Variants in SDK1 observed in about 807,000 individuals in gnomAD.
SDK1 encodes the protein protein sidekick-1.
A neutral mutation model predicts 245.5 loss-of-function variants in SDK1; 157 were observed. That is an observed-to-expected ratio of 0.64 (90% CI 0.56 to 0.73). The LOEUF is 0.73. Among genes scored for constraint, SDK1 ranks in the 30% least tolerant of loss-of-function variants. SDK1 has a pLI of 0.00. For synonymous variants in SDK1, 1,647 were observed against 1,278.5 expected (o/e 1.29, Z -6.15); for missense variants, 3,583 against 3,002.3 (o/e 1.19, Z -4.52).
At chr7:4,054,125 G>C (rs1779056534) in intron 19 of SDK1, among the ~76,000 whole-genome samples, 1 of 152,056 alleles carries the variant, frequency 6.6e-6, no homozygotes, top group Non-Finnish European at 1.5e-5. Flanking sequence ...ATTTTTAATA[G>C]AGATGGGGTT....
At chr7:3,672,210 T>G (rs1783722705) in intron 4 of SDK1, among the ~76,000 whole-genome samples, 1 of 152,076 alleles carries the variant, frequency 6.6e-6, no homozygotes, top group Non-Finnish European at 1.5e-5. Flanking sequence ...CAGCCGATGC[T>G]GCTGGTGAGA....
At chr7:3,420,496 C>T (rs1779506431) in intron 1 of SDK1, among the ~76,000 whole-genome samples, 1 of 152,128 alleles carries the variant, frequency 6.6e-6, no homozygotes, top group South Asian at 2.1e-4. Context: ...ATGAACTCCT[C>T]CTGCCCATTT....
intron 1 of SDK1, among the ~76,000 whole-genome samples, chr7:3,481,989 GA>G (rs1475465561): frequency 1.3e-5 from 2 of 151,258 alleles, no homozygotes; most frequent in South Asian, 2.1e-4. Flanking sequence ...AGCAAAGCTT[GA>G]AAAAAATATA....
intron 36 of SDK1, among the ~76,000 whole-genome samples, chr7:4,206,848 C>G (rs1342316309): frequency 1.3e-5 from 2 of 152,062 alleles, no homozygotes; most frequent in African/African-American, 4.8e-5. Context: ...GACTATTGGA[C>G]CGATTAAATG....
chr7:3,709,749 C>T (rs1384115900), intron 4 of SDK1, among the ~76,000 whole-genome samples: 3 of 152,150 alleles, frequency 2.0e-5, no homozygotes, highest in Non-Finnish European at 2.9e-5. Context: ...TGAAATTGGG[C>T]TTTTGAAACA....
At chr7:3,311,950 T>C (rs1779560592) in intron 1 of SDK1, among the ~76,000 whole-genome samples, 1 of 152,160 alleles carries the variant, frequency 6.6e-6, no homozygotes, top group African/African-American at 2.4e-5. Context: ...AGGCATGGCC[T>C]TGGGTCTGCA....
intron 1 of SDK1, among the ~76,000 whole-genome samples, chr7:3,514,635 G>A (rs1365097463): frequency 6.6e-6 from 1 of 152,170 alleles, no homozygotes. Flanking sequence ...GAGGAGAGTA[G>A]TAGATGAAAA....
At chr7:3,428,864 C>T (rs745310741) in intron 1 of SDK1, among the ~76,000 whole-genome samples, 1 of 152,142 alleles carries the variant, frequency 6.6e-6, no homozygotes, top group Non-Finnish European at 1.5e-5. Context: ...ATCCCGTAGT[C>T]AAGTGGAGAA....
rs544867444 is a variant in SDK1 at position 4,084,388 on chromosome 7, C to T, written c.3324+4804C>T. 5.9e-5 allele frequency among the ~76,000 whole-genome samples: 9 copies of T among 152,296 alleles called. No homozygotes were observed. In the South Asian group the frequency reaches 1.9e-3, roughly 32 times the overall value. On this transcript the variant is annotated intron_variant, in intron 22 of 44. Coordinates refer to ENST00000404826, the MANE Select transcript of SDK1 (RefSeq NM_152744.4). ...AACCTAGAATTGGCCTGTCTTTGGC[C>T]TAGGGAGGCTTTCGTATCCTGGGGC...
chr7:3,965,703 C>A (rs1007920637), intron 9 of SDK1, among the ~76,000 whole-genome samples: 3 of 151,906 alleles, frequency 2.0e-5, no homozygotes, highest in African/African-American at 7.3e-5. Context: ...CAGTGAAGGA[C>A]GAGATGACTC....
At chr7:3,595,220 T>C (rs1315994349) in intron 1 of SDK1, among the ~76,000 whole-genome samples, 4 of 121,550 alleles carry the variant, frequency 3.3e-5, no homozygotes, top group Non-Finnish European at 6.5e-5. Flanking sequence ...GGTGACTTTA[T>C]GATATTTTGC....
At chr7:3,869,487 G>A (rs1780906364) in intron 5 of SDK1, among the ~76,000 whole-genome samples, 1 of 152,044 alleles carries the variant, frequency 6.6e-6, no homozygotes, top group Admixed American at 6.6e-5. Context: ...ATTTCAGTCA[G>A]GTGTGCAAGC....
chr7:3,933,290 G>A (rs1780045647), intron 5 of SDK1, among the ~76,000 whole-genome samples: 1 of 151,910 alleles, frequency 6.6e-6, no homozygotes, highest in African/African-American at 2.4e-5. Flanking sequence ...TAAAAAAAAT[G>A]TTTCTAGATA....
At chr7:3,790,988 G>C (rs1781064056) in intron 4 of SDK1, among the ~76,000 whole-genome samples, 2 of 152,080 alleles carry the variant, frequency 1.3e-5, no homozygotes, top group Admixed American at 1.3e-4. Flanking sequence ...CTCACTTGCT[G>C]TGTGACCTTG....
chr7:3,742,506 C>T (rs1164995506), intron 4 of SDK1, among the ~76,000 whole-genome samples: 1 of 152,190 alleles, frequency 6.6e-6, no homozygotes, highest in East Asian at 1.9e-4. Context: ...CATCTCCCAT[C>T]AGTTTCTCCC....
At chr7:3,745,658 G>T (rs1041324936) in intron 4 of SDK1, among the ~76,000 whole-genome samples, 1 of 151,892 alleles carries the variant, frequency 6.6e-6, no homozygotes, top group East Asian at 1.9e-4. Flanking sequence ...GAACTCCCTC[G>T]AGCGACCCCT....
At chr7:3,427,580 T>G (rs1779712846) in intron 1 of SDK1, among the ~76,000 whole-genome samples, 1 of 152,008 alleles carries the variant, frequency 6.6e-6, no homozygotes, top group South Asian at 2.1e-4. Context: ...AGGAGTAGTT[T>G]GAACAGTGCT....
At chr7:3,652,479 A>G (rs183841331) in intron 4 of SDK1, among the ~76,000 whole-genome samples, 1 of 152,240 alleles carries the variant, frequency 6.6e-6, no homozygotes, top group African/African-American at 2.4e-5. Flanking sequence ...GGACGGAGCC[A>G]GAATATGCGC....
intron 1 of SDK1, among the ~76,000 whole-genome samples, chr7:3,414,849 C>G (rs1260586498): frequency 1.3e-5 from 2 of 152,144 alleles, no homozygotes; most frequent in African/African-American, 4.8e-5. Flanking sequence ...GTGTGATTCT[C>G]TTCTTTCACT....
Sources: allele counts gnomAD v4.1 joint callset (sites outside exome capture counted in the v4.1 genomes callset), GRCh38; gene constraint gnomAD v4.1.1; transcripts MANE v1.5; gene names NCBI Gene and HGNC (gene_info 2026-07-23, HGNC 2026-07-21).